Variants in TRHDE observed in about 807,000 individuals in gnomAD.
TRHDE encodes thyrotropin releasing hormone degrading enzyme.
A neutral mutation model predicts 125.7 loss-of-function variants in TRHDE; 72 were observed. The ratio of observed to expected loss-of-function variants is 0.57; its 90% confidence interval spans 0.47 to 0.70. The LOEUF is 0.70. Among genes scored for constraint, TRHDE ranks in the 30% least tolerant of loss-of-function variants. The pLI is 0.00. For missense variants in TRHDE, 1,110 were observed against 1,327.1 expected, an observed-to-expected ratio of 0.84 and a Z score of 2.54; for synonymous variants, 509 against 509.1, an observed-to-expected ratio of 1.00 and a Z score of 0.00.
intron 2 of TRHDE, among the ~76,000 whole-genome samples, chr12:72,170,621 C>G (rs1876851649): frequency 6.6e-6 from 1 of 152,008 alleles, no homozygotes; most frequent in African/African-American, 2.4e-5. Context: ...GTTTCTGGCT[C>G]CATAGATCTA....
intron 2 of TRHDE, among the ~76,000 whole-genome samples, chr12:72,320,847 C>T (rs961722918): frequency 5.8e-4 from 88 of 152,084 alleles, no homozygotes; most frequent in South Asian, 2.1e-3. Context: ...TTAAGCATTG[C>T]GAGTTTTGCA....
intron 3 of TRHDE, among the ~76,000 whole-genome samples, chr12:72,398,279 T>G (rs979105040): frequency 5.9e-5 from 9 of 152,186 alleles, no homozygotes; most frequent in African/African-American, 2.2e-4. Context: ...TTGTGAATAA[T>G]GCTGCAATAA....
chr12:72,289,607 T>C (rs565564982), intron 2 of TRHDE, among the ~76,000 whole-genome samples: 2 of 152,310 alleles, frequency 1.3e-5, no homozygotes, highest in South Asian at 4.1e-4. Flanking sequence ...CACTCCTATT[T>C]GGTAACATTT....
intron 3 of TRHDE, among the ~76,000 whole-genome samples, chr12:72,430,520 A>C (rs1874431038): frequency 6.6e-6 from 1 of 150,894 alleles, no homozygotes; most frequent in Non-Finnish European, 1.5e-5. Context: ...CAGTTTTTGA[A>C]AAAACTAATT....
chr12:72,188,727 G>C (rs1411488873), intron 2 of TRHDE, among the ~76,000 whole-genome samples: 2 of 152,136 alleles, frequency 1.3e-5, no homozygotes, highest in Non-Finnish European at 2.9e-5. Context: ...TTGTATATGT[G>C]AAAGACTTTA....
intron 15 of TRHDE, among the ~76,000 whole-genome samples, chr12:72,646,930 C>A (rs541226775): frequency 6.6e-6 from 1 of 151,984 alleles, no homozygotes; most frequent in South Asian, 2.1e-4. Context: ...GACAGAAGAT[C>A]AATAAGGAAA....
chr12:72,468,177 G>A (rs1164284715), intron 3 of TRHDE, among the ~76,000 whole-genome samples: 1 of 152,168 alleles, frequency 6.6e-6, no homozygotes, highest in African/African-American at 2.4e-5. Flanking sequence ...ACGTGTTCAT[G>A]TATAAGTAAC....
chr12:72,443,607 G>C (rs1018794925), intron 3 of TRHDE, among the ~76,000 whole-genome samples: 38 of 151,766 alleles, frequency 2.5e-4, no homozygotes, highest in African/African-American at 9.2e-4. Context: ...AGAACACATT[G>C]AGTGGAACAT....
chr12:72,224,958 T>G (rs2139370783), intron 2 of TRHDE, among the ~76,000 whole-genome samples: 1 of 152,268 alleles, frequency 6.6e-6, no homozygotes, highest in Admixed American at 6.5e-5. Context: ...TTATTCTAAT[T>G]TATTTATTAA....
At chr12:72,412,284 G>A (rs1353078860) in intron 3 of TRHDE, among the ~76,000 whole-genome samples, 1 of 151,934 alleles carries the variant, frequency 6.6e-6, no homozygotes, top group South Asian at 2.1e-4. Flanking sequence ...AGAAAAAGAG[G>A]CAACTTAAAA....
rs1022931494 is a variant in TRHDE at position 72,231,192 on chromosome 12, A to T, written n.279+125440A>T. 5.9e-5 allele frequency among the ~76,000 whole-genome samples: 9 copies of T among 151,758 alleles called. No homozygotes were observed. The East Asian group carries it at 1.4e-3, about 23-fold the overall frequency. On this transcript the variant is annotated intron_variant and non_coding_transcript_variant, in intron 2 of 4. Coordinates refer to the TRHDE transcript ENST00000548156. ...ACAACCAAGGACAGGCATGAAAATTAAAAAAAAATCAGCACACACAAAAGC... is the reference window on the plus strand; with the variant it reads ...ACAACCAAGGACAGGCATGAAAATTTAAAAAAAATCAGCACACACAAAAGC...
chr12:72,388,302 A>AT (rs112597717), intron 3 of TRHDE, among the ~76,000 whole-genome samples: 15 of 152,088 alleles, frequency 9.9e-5, no homozygotes, highest in African/African-American at 3.4e-4. Flanking sequence ...TCTCCATGGT[A>AT]TTTTTTAATT....
At chr12:72,367,826 T>C (rs1871402000) in intron 2 of TRHDE, among the ~76,000 whole-genome samples, 1 of 152,220 alleles carries the variant, frequency 6.6e-6, no homozygotes, top group African/African-American at 2.4e-5. Flanking sequence ...ATTGTTATAG[T>C]GGTATTTTAA....
At chr12:72,391,894 C>T (rs188466999) in intron 3 of TRHDE, among the ~76,000 whole-genome samples, 109 of 152,198 alleles carry the variant, frequency 7.2e-4, no homozygotes, top group African/African-American at 2.3e-3. Context: ...TATGTTGAAG[C>T]GCTAAAGCCT....
chr12:72,367,246 C>G (rs1871376011), intron 2 of TRHDE, among the ~76,000 whole-genome samples: 1 of 152,126 alleles, frequency 6.6e-6, no homozygotes, highest in African/African-American at 2.4e-5. Flanking sequence ...CACTGGCCTT[C>G]TTGTCTCAAT....
chr12:72,407,246 T>A (rs1214884480), intron 3 of TRHDE, among the ~76,000 whole-genome samples: 1 of 152,198 alleles, frequency 6.6e-6, no homozygotes, highest in Non-Finnish European at 1.5e-5. Flanking sequence ...AGAGGACTCA[T>A]GTCTGACTTG....
intron 2 of TRHDE, among the ~76,000 whole-genome samples, chr12:72,348,045 A>G (rs1284639479): frequency 1.3e-5 from 2 of 151,980 alleles, no homozygotes; most frequent in South Asian, 2.1e-4. Context: ...TCAACTTTTA[A>G]AAAATATTTT....
intron 2 of TRHDE, among the ~76,000 whole-genome samples, chr12:72,353,806 A>G (rs1328000341): frequency 1.3e-5 from 2 of 151,704 alleles, no homozygotes; most frequent in Non-Finnish European, 3.0e-5. Context: ...GAATGTGAAG[A>G]CAAGGGGAGA....
At chr12:72,374,330 T>A (rs1034476490) in intron 2 of TRHDE, among the ~76,000 whole-genome samples, 1 of 148,040 alleles carries the variant, frequency 6.8e-6, no homozygotes, top group Admixed American at 6.9e-5. Flanking sequence ...TGTGTGTGTG[T>A]GTGATATCAG....
Sources: allele counts gnomAD v4.1 joint callset (sites outside exome capture counted in the v4.1 genomes callset), GRCh38; gene constraint gnomAD v4.1.1; transcripts MANE v1.5; gene names NCBI Gene and HGNC (gene_info 2026-07-23, HGNC 2026-07-21).